Variants in TUBB8 observed in about 807,000 individuals in gnomAD.
The protein encoded by TUBB8 is tubulin beta 8 class VIII, also known as tubulin beta-8 chain.
TUBB8 carries 25 observed loss-of-function variants against 33.7 expected under a neutral mutation model. The ratio of observed to expected loss-of-function variants is 0.74; its 90% CI spans 0.54 to 1.04. TUBB8 has a LOEUF of 1.04. Among genes scored for constraint, TUBB8 ranks in the 50% least tolerant of loss-of-function variants. The probability of loss-of-function intolerance (pLI) is 0.00; values close to 1 mark genes in which losing one functional copy is unlikely to be tolerated. For synonymous variants in TUBB8, 245 were observed against 240.1 expected (o/e 1.02, Z -0.19); for missense variants, 279 against 608.0 (o/e 0.46, Z 5.69).
chr10:48,101 G>C lies in TUBB8; in HGVS notation c.291C>G (p.Ala97=). The change falls in exon 4 of 4, where the codon GCC becomes GCG. Residue 97 remains alanine (A), a synonymous_variant. Coordinates refer to ENST00000568584, the MANE Select transcript of TUBB8 (RefSeq NM_177987.3). ...PDNFIFGQCG[A]GNNWAKGHYT... is the part of the protein sequence containing the mutation. The stretch of plus-strand genomic sequence containing the variant: ...AGTGTCCCTTGGCCCAGTTGTTTCC[G>C]GCCCCACACTGACCTGTAAGACAGC... 1.2e-6 allele frequency: 2 copies of C among 1,612,918 alleles called. No homozygotes were observed. The highest frequency in any genetic ancestry group is 1.1e-5 in the South Asian group (1 of 91,028).
At chr10:75,558 G>C (rs868911652), upstream of TUBB8, among the ~76,000 whole-genome samples, 36 of 150,514 alleles carry the variant, frequency 2.4e-4, no homozygotes, top group African/African-American at 8.6e-4. Flanking sequence ...CGGAGGCTGA[G>C]GCAGGAGAAT....
chr10:68,727 C>G (rs1178876596), intron 1 of TUBB8, among the ~76,000 whole-genome samples: 1 of 152,238 alleles, frequency 6.6e-6, no homozygotes, highest in African/African-American at 2.4e-5. Flanking sequence ...GTGTATTTTA[C>G]CAAAGCAAAG....
intron 1 of TUBB8, among the ~76,000 whole-genome samples, chr10:67,410 A>C (rs1211459830): frequency 6.6e-6 from 1 of 152,042 alleles, no homozygotes; most frequent in Non-Finnish European, 1.5e-5. Flanking sequence ...TTCCATGTAC[A>C]AGTTATTTTG....
At chr10:69,821 C>T (rs575788910) in intron 1 of TUBB8, among the ~76,000 whole-genome samples, 4 of 152,234 alleles carry the variant, frequency 2.6e-5, no homozygotes, top group South Asian at 4.2e-4. Flanking sequence ...GGCTCGAGCC[C>T]GGGAGGATGC....
intron 1 of TUBB8, among the ~76,000 whole-genome samples, chr10:61,531 T>C (rs1834601508): frequency 1.3e-5 from 2 of 152,266 alleles, no homozygotes; most frequent in South Asian, 4.1e-4. Flanking sequence ...ATATGGTCTA[T>C]CCTTGAAAAT....
At chr10:68,411 C>A (rs1246289593) in intron 1 of TUBB8, among the ~76,000 whole-genome samples, 2 of 152,194 alleles carry the variant, frequency 1.3e-5, no homozygotes, top group Non-Finnish European at 1.5e-5. Flanking sequence ...ACTGCTATGA[C>A]ACCCCTAAGA....
chr10:53,620 T>A (rs1564207680), upstream of TUBB8, among the ~76,000 whole-genome samples: 1 of 152,272 alleles, frequency 6.6e-6, no homozygotes, highest in Non-Finnish European at 1.5e-5. Flanking sequence ...CCCCTCATTT[T>A]GAAATGTGGT....
intron 1 of TUBB8, among the ~76,000 whole-genome samples, chr10:67,056 G>A (rs184082667): frequency 7.4e-6 from 1 of 135,772 alleles, no homozygotes; most frequent in Admixed American, 7.3e-5. Flanking sequence ...TCTATTCAAT[G>A]GATTATACCA....
upstream of TUBB8, among the ~76,000 whole-genome samples, chr10:54,058 T>C (rs1293386029): frequency 8.7e-3 from 1,326 of 152,286 alleles, 4 homozygotes; most frequent in African/African-American, 0.03. Context: ...AATTATACTA[T>C]TTTAGTTTTT....
At chr10:65,307 T>C (rs1274628074) in intron 1 of TUBB8, among the ~76,000 whole-genome samples, 1 of 152,248 alleles carries the variant, frequency 6.6e-6, no homozygotes, top group Non-Finnish European at 1.5e-5. Context: ...TAACACTTAA[T>C]ACGCTAAATA....
In TUBB8 at chr10:55,442, G is replaced by T. The variant is rs191737386; in HGVS notation, c.-845-5209C>A. On this transcript the variant is annotated intron_variant, in intron 1 of 3. Coordinates refer to the TUBB8 transcript ENST00000564130. ...ACAAATATTTTCTCCCATTCTGTGG[G>T]TTTTCTCTTCACTTTGTTTCCTTCA... Among the ~76,000 whole-genome samples the T allele has an allele frequency of 4.3e-4, 65 of 152,274 alleles. No individual in the cohort carries two copies. The East Asian group carries it at 0.012, about 28-fold the overall frequency.
intron 1 of TUBB8, among the ~76,000 whole-genome samples, chr10:66,080 C>T (rs1554741576): frequency 6.6e-6 from 1 of 152,218 alleles, no homozygotes; most frequent in African/African-American, 2.4e-5. Context: ...AGGACCAAGG[C>T]ACCAATGCTC....
intron 1 of TUBB8, among the ~76,000 whole-genome samples, chr10:71,923 A>AAT (rs1450687879): frequency 7.2e-4 from 98 of 135,378 alleles, no homozygotes; most frequent in African/African-American, 2.6e-3. Context: ...AAAAAAAAAA[A>AAT]TCAATCAATA....
At chr10:73,277 G>A (rs1554742605) in intron 1 of TUBB8, among the ~76,000 whole-genome samples, 1 of 152,220 alleles carries the variant, frequency 6.6e-6, no homozygotes. Context: ...GCAGTGGCGT[G>A]AGCATGATAA....
chr10:62,826 T>C (rs1241341640), intron 1 of TUBB8, among the ~76,000 whole-genome samples: 9 of 152,256 alleles, frequency 5.9e-5, no homozygotes, highest in Non-Finnish European at 1.2e-4. Context: ...TCTCTCAGCC[T>C]GTAAATTTTC....
intron 1 of TUBB8, among the ~76,000 whole-genome samples, chr10:58,742 T>C (rs1204458701): frequency 6.6e-6 from 1 of 152,174 alleles, no homozygotes; most frequent in Non-Finnish European, 1.5e-5. Flanking sequence ...ACCCCAATGG[T>C]TAAATCACCT....
intron 1 of TUBB8, among the ~76,000 whole-genome samples, chr10:64,068 G>A (rs1466550776): frequency 6.6e-6 from 1 of 152,104 alleles, no homozygotes; most frequent in Non-Finnish European, 1.5e-5. Flanking sequence ...TAGAGATCTT[G>A]TTCTCTTCCC....
At chr10:61,375 T>C (rs546830636) in intron 1 of TUBB8, among the ~76,000 whole-genome samples, 95 of 152,358 alleles carry the variant, frequency 6.2e-4, no homozygotes, top group South Asian at 6.2e-3. Flanking sequence ...TACTGATCAT[T>C]CAAGAGCATA....
At chr10:49,158 G>A (rs782281949) in intron 1 of TUBB8, 24 bp downstream of exon 1, 7 of 1,559,910 alleles carry the variant, frequency 4.5e-6, no homozygotes, top group Middle Eastern at 2.3e-4. Context: ...CCCGGGCTAG[G>A]CCCTCAGAGC....
Sources: allele counts gnomAD v4.1 joint callset (sites outside exome capture counted in the v4.1 genomes callset), GRCh38; gene constraint gnomAD v4.1.1; transcripts MANE v1.5; gene names NCBI Gene and HGNC (gene_info 2026-07-23, HGNC 2026-07-21).